ATP6V0A4: variants seen among roughly 807,000 people sequenced by gnomAD.
ATP6V0A4 encodes V-type proton ATPase 116 kDa subunit a 4.
A neutral mutation model predicts 107.3 loss-of-function variants in ATP6V0A4; 86 were observed. That is an observed-to-expected ratio of 0.80 (90% confidence interval 0.67 to 0.96). ATP6V0A4 has a LOEUF of 0.96. ATP6V0A4 is among the 40% of genes least tolerant of loss of function. The pLI is 0.00. For synonymous variants in ATP6V0A4, 353 were observed against 381.4 expected, an observed-to-expected ratio of 0.93 and a Z score of 0.87; for missense variants, 908 against 1,045.6, an observed-to-expected ratio of 0.87 and a Z score of 1.81.
At chr7:138,783,981 T>G (rs1808032338) in intron 2 of ATP6V0A4, among the ~76,000 whole-genome samples, 1 of 151,226 alleles carries the variant, frequency 6.6e-6, no homozygotes, top group East Asian at 1.9e-4. Flanking sequence ...ACCTCAAGAG[T>G]AAAGGAAGAA....
chr7:138,759,446 C>CT (rs1333703793), intron 8 of ATP6V0A4, among the ~76,000 whole-genome samples: 1 of 151,980 alleles, frequency 6.6e-6, no homozygotes, highest in East Asian at 1.9e-4. Context: ...GTTCTCAGTT[C>CT]TTTAAGACAC....
At position 138,749,160 on chromosome 7, in the gene ATP6V0A4, T is replaced by C; in HGVS notation, c.1180+7A>G. The C allele has an allele frequency of 6.2e-7, 1 of 1,613,976 alleles. No individual in the cohort carries two copies. Among genetic ancestry groups the C allele is most frequent in the Non-Finnish European group, 8.5e-7 (1 of 1,179,998 alleles). On this transcript the variant is annotated splice_region_variant and intron_variant, in intron 12 of 21. Coordinates refer to ENST00000310018, the MANE Select transcript of ATP6V0A4 (RefSeq NM_020632.3). ...CTACCCAGTCGTGCAGTTCATCAGA[T>C]CTTTACCTGGGTTTATCTCCCGGTA...
At chr7:138,712,500 A>C (rs1461685802) in intron 20 of ATP6V0A4, among the ~76,000 whole-genome samples, 1 of 152,316 alleles carries the variant, frequency 6.6e-6, no homozygotes, top group Admixed American at 6.5e-5. Flanking sequence ...TACTAGGACC[A>C]CTGATGAAAG....
At chr7:138,721,865 G>T (rs1207876351) in intron 19 of ATP6V0A4, 32 bp downstream of exon 19, 2 of 1,612,510 alleles carry the variant, frequency 1.2e-6, no homozygotes, top group South Asian at 2.2e-5. Context: ...ACAAACTGGG[G>T]AGTCTTCCTC....
chr7:138,785,990 A>T (rs1808160651), intron 2 of ATP6V0A4, among the ~76,000 whole-genome samples, 168 bp downstream of exon 2: 1 of 152,062 alleles, frequency 6.6e-6, no homozygotes, highest in South Asian at 2.1e-4. Flanking sequence ...TGTCCTCTAG[A>T]TCACGTCCTA....
At chr7:138,746,208 A>C (rs1805945847) in intron 13 of ATP6V0A4, among the ~76,000 whole-genome samples, 1 of 150,792 alleles carries the variant, frequency 6.6e-6, no homozygotes, top group East Asian at 1.9e-4. Context: ...CATGGCTGCT[A>C]TATTTATGAC....
intron 5 of ATP6V0A4, among the ~76,000 whole-genome samples, chr7:138,767,554 T>C (rs1807156992): frequency 6.6e-6 from 1 of 151,424 alleles, no homozygotes; most frequent in South Asian, 2.1e-4. Context: ...AAATATTTTC[T>C]AGAAGATTTG....
rs1805884423 is a variant in ATP6V0A4 at position 138,745,662 on chromosome 7, A to AAAAAAAAAAAAAAAAAAAAAAAAAAC, written c.1321-383_1321-382insGTTTTTTTTTTTTTTTTTTTTTTTTT. On this transcript the variant is annotated intron_variant, in intron 13 of 21. Coordinates refer to ENST00000310018, the MANE Select transcript of ATP6V0A4 (RefSeq NM_020632.3). ...ACTGCGCTCCAGCCTGTGTCTCAAA[A>AAAAAAAAAAAAAAAAAAAAAAAAAAC]AAAAAAAAAGGCCGGGTGTGATGGC... 1.5e-5 allele frequency among the ~76,000 whole-genome samples: 2 copies of AAAAAAAAAAAAAAAAAAAAAAAAAAC among 136,116 alleles called. 1 individual carries two copies. The highest frequency in any genetic ancestry group is 3.1e-5 in the Non-Finnish European group (2 of 63,646). The allele number at this position is 136,116 out of a possible 152,430, so 89.3% of individuals were successfully genotyped here.
intron 1 of ATP6V0A4, 197 bp downstream of exon 1, chr7:138,797,837 C>G: frequency 1.6e-6 from 1 of 607,736 alleles, no homozygotes; most frequent in Non-Finnish European, 2.8e-6. Context: ...AATATTTGCG[C>G]TCAGGGGAGA....
At chr7:138,744,927 T>C (rs1371892124) in intron 14 of ATP6V0A4, among the ~76,000 whole-genome samples, 196 bp downstream of exon 14, 2 of 152,160 alleles carry the variant, frequency 1.3e-5, no homozygotes, top group African/African-American at 4.8e-5. Flanking sequence ...GGTCTCGAAC[T>C]CCTAACCTCA....
intron 2 of ATP6V0A4, among the ~76,000 whole-genome samples, chr7:138,782,867 G>C (rs1486167346): frequency 6.6e-6 from 1 of 152,186 alleles, no homozygotes; most frequent in South Asian, 2.1e-4. Flanking sequence ...CTGAGGTCAG[G>C]AGTTCAAGAC....
intron 18 of ATP6V0A4, among the ~76,000 whole-genome samples, chr7:138,727,027 G>T (rs1804756794): frequency 6.8e-6 from 1 of 147,026 alleles, no homozygotes; most frequent in Admixed American, 7.1e-5. Flanking sequence ...CTTATGGACA[G>T]ATTTAGTTCC....
chr7:138,794,001 G>T (rs1808542573), intron 1 of ATP6V0A4, among the ~76,000 whole-genome samples: 1 of 152,138 alleles, frequency 6.6e-6, no homozygotes, highest in South Asian at 2.1e-4. Flanking sequence ...GATCTTAACA[G>T]CTGTAGTTCT....
chr7:138,707,397 A>AT (rs1803500392), intron 21 of ATP6V0A4, among the ~76,000 whole-genome samples: 1 of 94,930 alleles, frequency 1.1e-5, no homozygotes, highest in Non-Finnish European at 1.9e-5. Flanking sequence ...AAAAATAAAT[A>AT]TATTATATAT....
chr7:138,726,212 A>C (rs1002837715), intron 18 of ATP6V0A4, among the ~76,000 whole-genome samples: 1 of 151,872 alleles, frequency 6.6e-6, no homozygotes, highest in African/African-American at 2.4e-5. Flanking sequence ...GATGGTCTCG[A>C]TCTCCTGACC....
At chr7:138,774,721 T>C (rs998719730) in intron 2 of ATP6V0A4, among the ~76,000 whole-genome samples, 5 of 148,406 alleles carry the variant, frequency 3.4e-5, no homozygotes, top group African/African-American at 1.2e-4. Flanking sequence ...TATATGTGTG[T>C]ATATACATAT....
rs1808172179 is a variant in ATP6V0A4, at chr7:138,786,239, C to T, written c.-99G>A. Reference sequence around the variant, plus strand: ...TCATTCCTGTCTTCACTTGCCACGTCATGGAGGAACTGGAAATGAGACTTA... The same window carrying T: ...TCATTCCTGTCTTCACTTGCCACGTTATGGAGGAACTGGAAATGAGACTTA... On this transcript the variant is annotated 5_prime_UTR_variant, in exon 2 of 22. The change abolishes an upstream ATG in the 5' untranslated region. Coordinates refer to ENST00000310018, the MANE Select transcript of ATP6V0A4 (RefSeq NM_020632.3). The T allele has an allele frequency of 6.6e-6, 1 of 152,232 alleles. No individual in the cohort carries two copies. The allele number at this position is 152,232 out of a possible 1,614,324, so 9.4% of individuals were successfully genotyped here.
At position 138,718,201 on chromosome 7, in the gene ATP6V0A4, G is replaced by GGTGTGTGTGT. The variant is rs745612469; in HGVS notation, c.2140-2330_2140-2321dup. ...GGAGGGAGACGTCCAGGAAGGAATGGGTGTGTGTGTGTGTGTGTGTGTGTG... is the reference window on the plus strand; with the variant it reads ...GGAGGGAGACGTCCAGGAAGGAATGGGTGTGTGTGTGTGTGTGTGTGTGTGTGTGTGTGTG... On this transcript the variant is annotated intron_variant, in intron 19 of 21. Transcript: ENST00000310018. Among the ~76,000 whole-genome samples, 34 of 45,534 alleles carry GGTGTGTGTGT rather than the reference G, an allele frequency of 7.5e-4. 9 individuals carry two copies. The highest frequency in any genetic ancestry group is 8.9e-4 in the Non-Finnish European group (24 of 26,880). The allele number at this position is 45,534 out of a possible 152,430, so 29.9% of individuals were successfully genotyped here.
In ATP6V0A4 at chr7:138,713,180, C is replaced by T. The variant is rs187149528; in HGVS notation, c.2257+2584G>A. On this transcript the variant is annotated intron_variant, in intron 20 of 21. Transcript: ENST00000310018. ...ATTAGCTGGGCATGGTGGTGTGCAC[C>T]TGTAGTCCCAGCTACTCAGGAGGCT... Among the ~76,000 whole-genome samples the T allele has an allele frequency of 9.0e-3, 1,364 of 150,752 alleles. 22 individuals are homozygous for T. The highest frequency in any genetic ancestry group is 0.029 in the African/African-American group (1,200 of 40,958).
Sources: gnomAD v4.1 joint callset for allele counts (sites outside exome capture counted in the v4.1 genomes callset) on GRCh38, gnomAD v4.1.1 for gene constraint, MANE v1.5 for transcripts, NCBI Gene and HGNC (gene_info 2026-07-23, HGNC 2026-07-21) for gene names.